The following TOX variants were observed in gnomAD, a reference collection of about 807,000 sequenced individuals.
The protein encoded by TOX is thymocyte selection-associated high mobility group box protein TOX.
In TOX, 11 loss-of-function variants were observed where a neutral mutation model predicts 53.7. The observed-to-expected ratio is 0.20, with a 90% CI of 0.13 to 0.34. The LOEUF is 0.34. Ranked by LOEUF, TOX falls within the 10% of genes least tolerant of loss-of-function variation. TOX has a pLI of 1.00. For missense variants in TOX, 570 were observed against 664.6 expected, an observed-to-expected ratio of 0.86 and a Z score of 1.56; for synonymous variants, 225 against 245.3, an observed-to-expected ratio of 0.92 and a Z score of 0.77.
chr8:58,969,607 C>T (rs1038021543), intron 1 of TOX, among the ~76,000 whole-genome samples: 1 of 152,118 alleles, frequency 6.6e-6, no homozygotes, highest in African/African-American at 2.4e-5. Flanking sequence ...TAAGGCTTCA[C>T]ACATAAGATG....
intron 3 of TOX, among the ~76,000 whole-genome samples, chr8:58,905,167 A>G (rs2129173148): frequency 6.6e-6 from 1 of 152,286 alleles, no homozygotes; most frequent in Admixed American, 6.5e-5. Context: ...TCTTGCCCTC[A>G]TGATCTACCC....
chr8:59,049,874 T>A (rs562937715), intron 1 of TOX, among the ~76,000 whole-genome samples: 3 of 152,166 alleles, frequency 2.0e-5, no homozygotes, highest in Non-Finnish European at 4.4e-5. Context: ...TTTTGGAATG[T>A]AGTCAAAGAA....
intron 1 of TOX, among the ~76,000 whole-genome samples, chr8:58,961,279 G>A (rs1215948270): frequency 2.6e-5 from 4 of 152,104 alleles, no homozygotes; most frequent in Non-Finnish European, 5.9e-5. Context: ...AGACATGGAA[G>A]CACTCACGAG....
intron 1 of TOX, among the ~76,000 whole-genome samples, chr8:58,993,442 G>C (rs1230580674): frequency 1.3e-5 from 2 of 152,164 alleles, no homozygotes; most frequent in Non-Finnish European, 2.9e-5. Flanking sequence ...AGTAAGCACA[G>C]GCCGTTCCAA....
intron 1 of TOX, among the ~76,000 whole-genome samples, chr8:58,975,029 A>G (rs905860006): frequency 6.6e-6 from 1 of 152,076 alleles, no homozygotes; most frequent in Non-Finnish European, 1.5e-5. Flanking sequence ...TTTTTTAAGT[A>G]GTCTTACTAG....
chr8:59,047,203 G>GTTTTTTTTTTTTTTTTTTT (rs10551461), intron 1 of TOX, among the ~76,000 whole-genome samples: 1 of 44,674 alleles, frequency 2.2e-5, no homozygotes, highest in African/African-American at 9.0e-5. Flanking sequence ...ACCAAGAATT[G>GTTTTTTTTTTTTTTTTTTT]TTTTTTTTTT....
At chr8:59,069,647 C>T (rs1257736042) in intron 1 of TOX, among the ~76,000 whole-genome samples, 3 of 151,864 alleles carry the variant, frequency 2.0e-5, no homozygotes, top group Non-Finnish European at 4.4e-5. Flanking sequence ...GCTCAGCACA[C>T]TTCCATCAGA....
At chr8:58,980,390 A>G (rs1359620995) in intron 1 of TOX, among the ~76,000 whole-genome samples, 1 of 151,986 alleles carries the variant, frequency 6.6e-6, no homozygotes, top group Non-Finnish European at 1.5e-5. Context: ...GATCTGTCCA[A>G]TACTGGAAGG....
chr8:59,052,840 A>G (rs192408245), intron 1 of TOX, among the ~76,000 whole-genome samples: 237 of 151,900 alleles, frequency 1.6e-3, no homozygotes, highest in African/African-American at 3.5e-3. Flanking sequence ...AAGTTCTTAG[A>G]AAAAAACCTG....
chr8:59,072,024 T>C (rs1804205872), intron 1 of TOX, among the ~76,000 whole-genome samples: 1 of 152,198 alleles, frequency 6.6e-6, no homozygotes, highest in Non-Finnish European at 1.5e-5. Context: ...TTAAGTTTTT[T>C]AAAGGCCTGG....
chr8:58,839,750 T>C (rs1439792245), intron 4 of TOX, among the ~76,000 whole-genome samples: 2 of 152,220 alleles, frequency 1.3e-5, no homozygotes, highest in Non-Finnish European at 2.9e-5. Flanking sequence ...GCCTTCTCTC[T>C]GCAGATATAA....
chr8:59,076,955 T>C (rs906385924), intron 1 of TOX, among the ~76,000 whole-genome samples: 40 of 152,228 alleles, frequency 2.6e-4, no homozygotes, highest in African/African-American at 9.6e-5. Flanking sequence ...CAAAGCAATT[T>C]TATATATCTT....
chr8:58,826,124 T>G (rs752727334), intron 6 of TOX, among the ~76,000 whole-genome samples: 1 of 152,198 alleles, frequency 6.6e-6, no homozygotes, highest in Non-Finnish European at 1.5e-5. Flanking sequence ...AAAAAAAGTC[T>G]TTCCTAAGGG....
At position 58,975,562 on chromosome 8, in the gene TOX, T is replaced by A. The variant is rs573107897; in HGVS notation, c.103-15554A>T. 2.6e-5 allele frequency among the ~76,000 whole-genome samples: 4 copies of A among 152,312 alleles called. No individual in the cohort carries two copies. The South Asian group carries it at 8.3e-4, about 32-fold the overall frequency. ...GTCCACATACAAGTTATGTTTACAC[T>A]ATACTACAGTCTATTAAGTGTGTGA... On this transcript the variant is annotated intron_variant, in intron 1 of 8. Coordinates refer to ENST00000361421, the MANE Select transcript of TOX (RefSeq NM_014729.3).
intron 3 of TOX, among the ~76,000 whole-genome samples, chr8:58,881,132 C>G (rs770583202): frequency 2.0e-5 from 3 of 151,996 alleles, no homozygotes; most frequent in Non-Finnish European, 4.4e-5. Context: ...TAGGATTTCA[C>G]CGACCACAAA....
At chr8:58,964,255 G>C (rs928187045) in intron 1 of TOX, among the ~76,000 whole-genome samples, 6 of 152,182 alleles carry the variant, frequency 3.9e-5, no homozygotes, top group Non-Finnish European at 7.4e-5. Context: ...AATAAAATGT[G>C]TATGCCCTCT....
chr8:59,084,263 A>G (rs1054322221), intron 1 of TOX, among the ~76,000 whole-genome samples: 1 of 152,160 alleles, frequency 6.6e-6, no homozygotes, highest in Non-Finnish European at 1.5e-5. Context: ...TATAAACCAA[A>G]TGCTACAGAG....
chr8:59,106,197 C>T (rs1804897765), intron 1 of TOX, among the ~76,000 whole-genome samples: 1 of 151,980 alleles, frequency 6.6e-6, no homozygotes, highest in Admixed American at 6.6e-5. Flanking sequence ...CCTTCCCTCC[C>T]CCACCCCAGG....
chr8:58,990,696 C>T (rs561401166), intron 1 of TOX, among the ~76,000 whole-genome samples: 9 of 152,278 alleles, frequency 5.9e-5, no homozygotes, highest in African/African-American at 2.2e-4. Flanking sequence ...CAGAGGTCTG[C>T]AGGTTTGCAT....
Sources: allele counts gnomAD v4.1 joint callset (sites outside exome capture counted in the v4.1 genomes callset), GRCh38; gene constraint gnomAD v4.1.1; transcripts MANE v1.5; gene names NCBI Gene and HGNC (gene_info 2026-07-23, HGNC 2026-07-21).